Variants in GPHN observed in about 807,000 individuals in gnomAD.
GPHN encodes gephyrin.
In GPHN, 17 loss-of-function variants were observed where a neutral mutation model predicts 95.5. The observed-to-expected ratio is 0.18, with a 90% CI of 0.12 to 0.27. The LOEUF (loss-of-function observed/expected upper bound fraction) is 0.27. GPHN is among the 10% of genes least tolerant of loss of function. The probability of loss-of-function intolerance (pLI) is 1.00; values close to 1 mark genes in which losing one functional copy is unlikely to be tolerated. For missense variants in GPHN, 660 were observed against 978.1 expected (o/e 0.67, Z 4.34); for synonymous variants, 320 against 322.5 (o/e 0.99, Z 0.08).
At chr14:67,370,892 T>G in the GPHN span, among the ~76,000 whole-genome samples, 1 of 151,834 alleles carries the variant, frequency 6.6e-6, no homozygotes, top group East Asian at 1.9e-4. Flanking sequence ...AGGCATGGTG[T>G]TGTGCACCTC....
the GPHN span, among the ~76,000 whole-genome samples, chr14:67,235,546 T>C: frequency 6.6e-6 from 1 of 152,128 alleles, no homozygotes; most frequent in South Asian, 2.1e-4. Flanking sequence ...AAACCCTGTC[T>C]CTACTAAAAA....
chr14:66,703,518 C>T (rs565983523), intron 2 of GPHN, among the ~76,000 whole-genome samples: 32 of 152,170 alleles, frequency 2.1e-4, no homozygotes, highest in Non-Finnish European at 3.4e-4. Flanking sequence ...TAATTTTAAA[C>T]GCAGAATTTC....
chr14:67,037,921 C>T (rs1594894278), intron 10 of GPHN, among the ~76,000 whole-genome samples: 1 of 152,024 alleles, frequency 6.6e-6, no homozygotes, highest in African/African-American at 2.4e-5. Context: ...AAAAATAGAA[C>T]TTTCATATGA....
chr14:66,720,672 A>G (rs961752638), intron 2 of GPHN, among the ~76,000 whole-genome samples: 5 of 152,206 alleles, frequency 3.3e-5, no homozygotes, highest in African/African-American at 4.8e-5. Context: ...AATCAAGTAG[A>G]GAGAAAAAGT....
intron 2 of GPHN, among the ~76,000 whole-genome samples, chr14:66,685,330 T>A (rs2067273482): frequency 6.6e-6 from 1 of 152,212 alleles, no homozygotes; most frequent in Non-Finnish European, 1.5e-5. Context: ...CGCCACACTG[T>A]CTTCCACAAC....
At chr14:67,370,002 CA>C in the GPHN span, among the ~76,000 whole-genome samples, 5 of 152,212 alleles carry the variant, frequency 3.3e-5, no homozygotes, top group South Asian at 1.0e-3. Flanking sequence ...TTATTAACAG[CA>C]AACCAGTCAT....
the GPHN span, chr14:67,359,647 C>A: frequency 6.2e-7 from 1 of 1,614,088 alleles, no homozygotes; most frequent in African/African-American, 1.3e-5. Flanking sequence ...TTATCCCATT[C>A]CTTTACTTAC....
chr14:66,723,237 T>C (rs985249602), intron 2 of GPHN, among the ~76,000 whole-genome samples: 7 of 151,950 alleles, frequency 4.6e-5, no homozygotes, highest in Admixed American at 1.3e-4. Flanking sequence ...AAAGACGAGT[T>C]ATAAAAAGTT....
the GPHN span, chr14:67,580,145 C>T: frequency 1.3e-5 from 5 of 383,482 alleles, no homozygotes; most frequent in Middle Eastern, 7.5e-4. Context: ...AAAGCCTCTT[C>T]TTGGCTTGGT....
At chr14:67,653,867 C>T in the GPHN span, among the ~76,000 whole-genome samples, 2 of 152,214 alleles carry the variant, frequency 1.3e-5, no homozygotes, top group Admixed American at 6.5e-5. Flanking sequence ...CCAGGACAGC[C>T]TCTTGAGTTG....
intron 1 of GPHN, among the ~76,000 whole-genome samples, chr14:66,568,205 A>C (rs2060539227): frequency 6.6e-6 from 1 of 152,206 alleles, no homozygotes; most frequent in African/African-American, 2.4e-5. Flanking sequence ...AATGTTAATG[A>C]AGCTACAGTA....
intron 1 of GPHN, among the ~76,000 whole-genome samples, chr14:66,514,014 A>G (rs991498478): frequency 2.0e-5 from 3 of 152,076 alleles, no homozygotes; most frequent in Middle Eastern, 3.4e-3. Context: ...ATGAAATATG[A>G]TGAAGGAATT....
chr14:66,589,320 A>G (rs2061546131), intron 1 of GPHN, among the ~76,000 whole-genome samples: 2 of 152,184 alleles, frequency 1.3e-5, no homozygotes, highest in African/African-American at 2.4e-5. Flanking sequence ...AAGAAACCGC[A>G]TCAGCTAATG....
intron 12 of GPHN, among the ~76,000 whole-genome samples, chr14:67,096,490 C>T (rs951997778): frequency 6.6e-6 from 1 of 152,070 alleles, no homozygotes; most frequent in African/African-American, 2.4e-5. Context: ...CCACCAAAAA[C>T]TTTTTGAGAA....
chr14:66,901,731 G>A (rs978052408), intron 5 of GPHN, among the ~76,000 whole-genome samples: 6 of 151,910 alleles, frequency 3.9e-5, no homozygotes, highest in Admixed American at 6.6e-5. Context: ...CATTGGTCTC[G>A]CATATCTGTT....
intron 2 of GPHN, among the ~76,000 whole-genome samples, chr14:66,758,709 C>G (rs2058658143): frequency 6.6e-6 from 1 of 152,074 alleles, no homozygotes; most frequent in South Asian, 2.1e-4. Flanking sequence ...CTCCCTTGGC[C>G]TTATTTTCCC....
intron 3 of GPHN, among the ~76,000 whole-genome samples, chr14:66,816,499 T>C (rs904572285): frequency 6.6e-6 from 1 of 152,216 alleles, no homozygotes; most frequent in Admixed American, 6.5e-5. Flanking sequence ...ACTGAGAAAT[T>C]TACTCACAAC....
the GPHN span, among the ~76,000 whole-genome samples, chr14:67,437,968 G>A: frequency 1.3e-5 from 2 of 152,040 alleles, no homozygotes; most frequent in African/African-American, 4.8e-5. Context: ...TTAAACTGTG[G>A]TTGAGCCCAC....
chr14:66,791,397 GATAA>G (rs977747984), intron 3 of GPHN, among the ~76,000 whole-genome samples: 4 of 152,196 alleles, frequency 2.6e-5, no homozygotes, highest in Non-Finnish European at 5.9e-5. Flanking sequence ...AAGTTTATTA[GATAA>G]ATAAATAAAT....
Sources: allele counts gnomAD v4.1 joint callset (sites outside exome capture counted in the v4.1 genomes callset), GRCh38; gene constraint gnomAD v4.1.1; transcripts MANE v1.5; gene names NCBI Gene and HGNC (gene_info 2026-07-23, HGNC 2026-07-21).